The following SPATA2L variants were observed in gnomAD, a reference collection of about 807,000 sequenced individuals.
SPATA2L encodes spermatogenesis-associated protein 2-like protein.
In SPATA2L, 5 loss-of-function variants were observed where a neutral mutation model predicts 8.7. That is an observed-to-expected ratio of 0.57 (90% CI 0.30 to 1.21). The LOEUF (loss-of-function observed/expected upper bound fraction) is 1.21, where lower values mean the gene tolerates loss of function less well. SPATA2L is among the 50% of genes most tolerant of loss of function. The probability of loss-of-function intolerance (pLI) is 0.07; values close to 1 mark genes in which losing one functional copy is unlikely to be tolerated. For synonymous variants in SPATA2L, 358 were observed against 275.8 expected, an observed-to-expected ratio of 1.30 and a Z score of -2.95; for missense variants, 671 against 591.0, an observed-to-expected ratio of 1.14 and a Z score of -1.40.
At position 89,696,668 on chromosome 16, in the gene SPATA2L, C is replaced by T; in HGVS notation, c.*666G>A. ...GTCCACAGGCCCTTCCGCCCAGCAG[C>T]AGTGACGCTCAGGGCCTTCCCAGCT... On this transcript the variant is annotated 3_prime_UTR_variant, in exon 3 of 3. Transcript: ENST00000289805. The T allele has an allele frequency of 3.8e-6, 4 of 1,052,536 alleles. No homozygotes were observed. Among genetic ancestry groups the T allele is most frequent in the Non-Finnish European group, 4.1e-6 (3 of 738,860 alleles). The allele number at this position is 1,052,536 out of a possible 1,614,324, so 65.2% of individuals were successfully genotyped here. A position where few individuals can be genotyped will look rare whatever the true frequency, so the allele number is the denominator to read the frequency against.
rs1257209767 is a variant in SPATA2L at position 89,701,177 on chromosome 16, C to A, written c.56G>T (p.Arg19Leu). The stretch of plus-strand genomic sequence containing the variant: ...CCCGCACACGCCCGCGCGGCCCCGT[C>A]GCAGCTCGCGCTCCAGGCACTGGCG... ...DYRQCLERELRRGRAGVCGDP... is the reference protein window; with the variant it reads ...DYRQCLERELLRGRAGVCGDP... Residue 19 changes from arginine to leucine, a missense_variant, in exon 2 of 3, where the codon CGA becomes CTA. Arg to Leu is a moderately radical substitution (Grantham distance 102). Coordinates refer to ENST00000289805, the MANE Select transcript of SPATA2L (RefSeq NM_152339.4). 1 of 1,487,788 alleles carries A rather than the reference C, an allele frequency of 6.7e-7. No homozygotes were observed. The highest frequency in any genetic ancestry group is 1.3e-5 in the South Asian group (1 of 79,590). 92.2% of individuals were successfully genotyped at this position (1,487,788 alleles called of 1,614,324 possible).
intron 2 of SPATA2L, among the ~76,000 whole-genome samples, chr16:89,699,123 T>G (rs1343221793): frequency 6.6e-6 from 1 of 152,076 alleles, no homozygotes; most frequent in Non-Finnish European, 1.5e-5. Flanking sequence ...AATGAATACA[T>G]TAACCTAGCT....
chr16:89,699,443 C>T (rs2060760588), intron 2 of SPATA2L, among the ~76,000 whole-genome samples: 1 of 152,206 alleles, frequency 6.6e-6, no homozygotes, highest in African/African-American at 2.4e-5. Context: ...CGTTCATTCC[C>T]CCTGCTGTGT....
intron 2 of SPATA2L, among the ~76,000 whole-genome samples, chr16:89,698,791 ATTTT>A (rs71137669): frequency 1.5e-5 from 2 of 131,992 alleles, no homozygotes; most frequent in East Asian, 2.3e-4. Flanking sequence ...CCGGCCTAGA[ATTTT>A]TTTTTTTTTT....
At position 89,697,779 on chromosome 16, in the gene SPATA2L, G is replaced by T; in HGVS notation, c.830C>A (p.Ala277Asp). 6.2e-7 allele frequency: 1 copy of T among 1,600,662 alleles called. No individual in the cohort carries two copies. The change falls in exon 3 of 3, where the codon GCC (alanine) becomes GAC (aspartate). Residue 277 changes from alanine (A) to aspartate (D), a missense_variant. Ala to Asp is a moderately radical substitution (Grantham distance 126). Coordinates refer to ENST00000289805, the MANE Select transcript of SPATA2L (RefSeq NM_152339.4). ...CAGCTCCTCAGCTGGGGGCTCCCAG[G>T]CCCGGCCCCCAGTGCCCCACAGTTT... ...SAKLWGTGGR[A>D]WEPPAEELPQ...
In SPATA2L at chr16:89,696,629, C is replaced by T. The variant is rs571664384; in HGVS notation, c.*705G>A. 8.8e-5 allele frequency: 61 copies of T among 696,116 alleles called. No homozygotes were observed. In the African/African-American group the frequency reaches 1.0e-3, roughly 12 times the overall value. 43.1% of individuals were successfully genotyped at this position (696,116 alleles called of 1,614,324 possible). On this transcript the variant is annotated 3_prime_UTR_variant, in exon 3 of 3. Transcript: ENST00000289805. Reference sequence around the variant, plus strand: ...ACCACTGGACCCACCAAGACCCCGCCGCCTGGGCGGGCTGTCCACAGGCCC... The same window carrying T: ...ACCACTGGACCCACCAAGACCCCGCTGCCTGGGCGGGCTGTCCACAGGCCC...
chr16:89,697,290 C>T lies in SPATA2L; in HGVS notation c.*44G>A, dbSNP rs769930238. The stretch of plus-strand genomic sequence containing the variant: ...CCCTCCCCAGCAAAGAGAAGCACCA[C>T]GGGAGCTGTCTCCCAAGAGCCCTTG... On this transcript the variant is annotated 3_prime_UTR_variant, in exon 3 of 3. Transcript: ENST00000289805. 18 of 1,474,556 alleles carry T rather than the reference C, an allele frequency of 1.2e-5. No individual in the cohort carries two copies. The Admixed American group carries it at 1.2e-4, about 10-fold the overall frequency. 91.3% of individuals were successfully genotyped at this position (1,474,556 alleles called of 1,614,324 possible). A position where few individuals can be genotyped will look rare whatever the true frequency, so the allele number is the denominator to read the frequency against.
chr16:89,696,675 G>A lies in SPATA2L; in HGVS notation c.*659C>T, dbSNP rs764329922. ...GGCCCTTCCGCCCAGCAGCAGTGAC[G>A]CTCAGGGCCTTCCCAGCTGTCAGCC... On this transcript the variant is annotated 3_prime_UTR_variant, in exon 3 of 3. Transcript: ENST00000289805. 1.6e-4 allele frequency: 182 copies of A among 1,132,350 alleles called. No individual in the cohort carries two copies. Among genetic ancestry groups the A allele is most frequent in the African/African-American group, 5.4e-4 (35 of 64,728 alleles). 70.1% of individuals were successfully genotyped at this position (1,132,350 alleles called of 1,614,324 possible).
chr16:89,698,144 G>A lies in SPATA2L; in HGVS notation c.465C>T (p.Cys155=). The A allele has an allele frequency of 6.2e-7, 1 of 1,610,752 alleles. No homozygotes were observed. Among genetic ancestry groups the A allele is most frequent in the Non-Finnish European group, 8.5e-7 (1 of 1,179,156 alleles). The change falls in exon 3 of 3, where the codon TGC becomes TGT. Residue 155 remains cysteine (C), a synonymous_variant. Transcript: ENST00000289805. ...ACQLVQVALG[C]FALRLECEIL... The stretch of plus-strand genomic sequence containing the variant: ...TCTCACACTCCAGCCGGAGGGCGAA[G>A]CAGCCCAGGGCCACCTGCACCAGCT...
chr16:89,699,222 C>T (rs894007901), intron 2 of SPATA2L, among the ~76,000 whole-genome samples: 12 of 152,242 alleles, frequency 7.9e-5, no homozygotes, highest in Admixed American at 7.9e-4. Flanking sequence ...GAGATGGCCT[C>T]ATCTAATTAG....
At position 89,697,098 on chromosome 16, in the gene SPATA2L, C is replaced by T. The variant is rs937277747; in HGVS notation, c.*236G>A. 34 of 1,378,378 alleles carry T rather than the reference C, an allele frequency of 2.5e-5. No homozygotes were observed. The highest frequency in any genetic ancestry group is 4.4e-5 in the African/African-American group (3 of 68,578). The allele number at this position is 1,378,378 out of a possible 1,614,324, so 85.4% of individuals were successfully genotyped here. ...CACATGTGGGCATGCGTCTGGGTTC[C>T]GAGGGTGGGGAAATGTGGAAAGGCT... On this transcript the variant is annotated 3_prime_UTR_variant, in exon 3 of 3. Coordinates refer to ENST00000289805, the MANE Select transcript of SPATA2L (RefSeq NM_152339.4).
chr16:89,697,866 G>C lies in SPATA2L; in HGVS notation c.743C>G (p.Pro248Arg), dbSNP rs764782202. The C allele has an allele frequency of 5.0e-6, 8 of 1,611,432 alleles. No individual in the cohort carries two copies. The highest frequency in any genetic ancestry group is 5.9e-6 in the Non-Finnish European group (7 of 1,179,636). Reference protein sequence around the residue: ...EDASLYGEPSPGPDSPPAELA... With the variant: ...EDASLYGEPSRGPDSPPAELA... The stretch of plus-strand genomic sequence containing the variant: ...CTCCGCCGGGGGCGAGTCAGGGCCT[G>C]GTGACGGCTCCCCATACAGGCTGGC... Residue 248 changes from proline to arginine, a missense_variant, in exon 3 of 3, where the codon CCA (proline) becomes CGA (arginine). Coordinates refer to ENST00000289805, the MANE Select transcript of SPATA2L (RefSeq NM_152339.4).
chr16:89,697,317 C>G lies in SPATA2L; in HGVS notation c.*17G>C. The G allele has an allele frequency of 6.7e-7, 1 of 1,495,184 alleles. No individual in the cohort carries two copies. The highest frequency in any genetic ancestry group is 8.9e-7 in the Non-Finnish European group (1 of 1,124,932). The allele number at this position is 1,495,184 out of a possible 1,614,324, so 92.6% of individuals were successfully genotyped here. A position where few individuals can be genotyped will look rare whatever the true frequency, so the allele number is the denominator to read the frequency against. ...GGAGCTGTCTCCCAAGAGCCCTTGACCTGGGGCCCAGCTGGCCTAGGGCCG... is the reference window on the plus strand; with the variant it reads ...GGAGCTGTCTCCCAAGAGCCCTTGAGCTGGGGCCCAGCTGGCCTAGGGCCG... On this transcript the variant is annotated 3_prime_UTR_variant, in exon 3 of 3. Coordinates refer to ENST00000289805, the MANE Select transcript of SPATA2L (RefSeq NM_152339.4).
chr16:89,701,287 C>A (rs935374324), intron 1 of SPATA2L, 54 bp from the exon 2 acceptor site: 5 of 1,347,728 alleles, frequency 3.7e-6, no homozygotes, highest in Admixed American at 3.8e-5. Context: ...GCCCAGCCCG[C>A]CGCGCTCTCC....
intron 2 of SPATA2L, among the ~76,000 whole-genome samples, chr16:89,700,258 C>T (rs117568059): frequency 6.6e-6 from 1 of 152,242 alleles, no homozygotes; most frequent in Non-Finnish European, 1.5e-5. Context: ...CTGGCGCCTC[C>T]GACCAGCAGG....
At chr16:89,700,107 T>G (rs1022274032) in intron 2 of SPATA2L, among the ~76,000 whole-genome samples, 1 of 152,198 alleles carries the variant, frequency 6.6e-6, no homozygotes, top group Non-Finnish European at 1.5e-5. Context: ...TTAGCTAATT[T>G]GGCCAAGTCC....
rs1276059468 is a variant in SPATA2L, at chr16:89,701,081, T to C, written c.152A>G (p.Asp51Gly). The stretch of plus-strand genomic sequence containing the variant: ...GTCGGTGAGCAGAGCCAGCGCGTCG[T>C]CCTGCAGCGCCCCGTGCAGGTCGAA... ...EDFDLHGALQ[D>G]DALALLTDGL... Residue 51 changes from aspartate to glycine, a missense_variant, in exon 2 of 3, where the codon GAC (aspartate) becomes GGC (glycine). Transcript: ENST00000289805. 1.3e-6 allele frequency: 2 copies of C among 1,570,948 alleles called. No individual in the cohort carries two copies. Among genetic ancestry groups the C allele is most frequent in the Non-Finnish European group, 8.6e-7 (1 of 1,163,594 alleles).
At chr16:89,700,768 C>T (rs1465207819) in intron 2 of SPATA2L, among the ~76,000 whole-genome samples, 162 bp downstream of exon 2, 1 of 152,146 alleles carries the variant, frequency 6.6e-6, no homozygotes, top group Admixed American at 6.5e-5. Flanking sequence ...TGGGTGCCCC[C>T]ACACGCCCAC....
intron 2 of SPATA2L, among the ~76,000 whole-genome samples, chr16:89,700,214 C>G (rs1049534877): frequency 1.3e-5 from 2 of 152,220 alleles, no homozygotes; most frequent in Non-Finnish European, 2.9e-5. Flanking sequence ...GCCTCAAGGG[C>G]GGGCCTGTCC....
Sources: gnomAD v4.1 joint callset for allele counts (sites outside exome capture counted in the v4.1 genomes callset) on GRCh38, gnomAD v4.1.1 for gene constraint, MANE v1.5 for transcripts, NCBI Gene and HGNC (gene_info 2026-07-23, HGNC 2026-07-21) for gene names.